The following HDAC9 variants were observed in gnomAD, a reference collection of about 807,000 sequenced individuals.
HDAC9 encodes the protein MEF-2 interacting transcription repressor (MITR) protein.
HDAC9 carries 41 observed loss-of-function variants against 139.4 expected under a neutral mutation model. That is an observed-to-expected ratio of 0.29 (90% CI 0.23 to 0.38). HDAC9 has a LOEUF of 0.38. HDAC9 is among the 10% of genes least tolerant of loss of function. The pLI is 1.00. For missense variants in HDAC9, 1,147 were observed against 1,297.0 expected, an observed-to-expected ratio of 0.88 and a Z score of 1.78; for synonymous variants, 517 against 476.2, an observed-to-expected ratio of 1.09 and a Z score of -1.12.
At chr7:18,707,515 C>T (rs1784021265) in intron 12 of HDAC9, among the ~76,000 whole-genome samples, 1 of 152,094 alleles carries the variant, frequency 6.6e-6, no homozygotes, top group Non-Finnish European at 1.5e-5. Flanking sequence ...CCCTAACAGG[C>T]ATACTTTTCA....
chr7:18,337,627 G>A (rs776254849), intron 1 of HDAC9, among the ~76,000 whole-genome samples: 32 of 151,670 alleles, frequency 2.1e-4, no homozygotes, highest in Non-Finnish European at 3.7e-4. Context: ...TGGTAACAGC[G>A]TAAGACTTGC....
chr7:18,794,767 C>T (rs551078836), intron 17 of HDAC9, among the ~76,000 whole-genome samples: 1 of 152,278 alleles, frequency 6.6e-6, no homozygotes, highest in East Asian at 1.9e-4. Flanking sequence ...TAAATTAACA[C>T]TTTAAAATAA....
intron 12 of HDAC9, among the ~76,000 whole-genome samples, chr7:18,716,029 T>C (rs1784672760): frequency 6.6e-6 from 1 of 152,246 alleles, no homozygotes; most frequent in Non-Finnish European, 1.5e-5. Context: ...TCTCTCGTTA[T>C]GATATTTTAT....
chr7:18,252,280 T>A (rs1794965484), intron 2 of HDAC9, among the ~76,000 whole-genome samples: 1 of 152,174 alleles, frequency 6.6e-6, no homozygotes, highest in Non-Finnish European at 1.5e-5. Context: ...GTTCCAGGAA[T>A]GGCCTGGAGA....
At position 18,788,565 on chromosome 7, in the gene HDAC9, GC is replaced by G. The variant is rs373589313; in HGVS notation, c.2215-4778del. On this transcript the variant is annotated intron_variant, in intron 16 of 25. Coordinates refer to ENST00000686413, the MANE Select transcript of HDAC9 (RefSeq NM_178425.4). ...AGGTCAGGAGTTCAAGACTAGCCTGGCCAACATGGTGAAACCCCATCTCTAC... is the reference window on the plus strand; with the variant it reads ...AGGTCAGGAGTTCAAGACTAGCCTGGCAACATGGTGAAACCCCATCTCTAC... 5.3e-5 allele frequency among the ~76,000 whole-genome samples: 8 copies of G among 152,056 alleles called. No individual in the cohort carries two copies. In the East Asian group the frequency reaches 1.6e-3, roughly 30 times the overall value.
intron 12 of HDAC9, among the ~76,000 whole-genome samples, chr7:18,714,045 T>G (rs1173395880): frequency 6.6e-6 from 1 of 152,202 alleles, no homozygotes; most frequent in Non-Finnish European, 1.5e-5. Flanking sequence ...AAACCACTTA[T>G]TCTGGAAGAA....
chr7:18,121,177 A>G (rs1211467337), intron 1 of HDAC9, among the ~76,000 whole-genome samples: 2 of 152,212 alleles, frequency 1.3e-5, no homozygotes, highest in Non-Finnish European at 2.9e-5. Context: ...GAAAACTTAC[A>G]TTTTATGAGT....
At chr7:18,377,158 C>A (rs1242874066) in intron 1 of HDAC9, among the ~76,000 whole-genome samples, 1 of 152,048 alleles carries the variant, frequency 6.6e-6, no homozygotes, top group Non-Finnish European at 1.5e-5. Context: ...TGGTGGGAGC[C>A]TGCTTCCTGA....
chr7:18,253,307 T>C (rs1322376202), intron 2 of HDAC9, among the ~76,000 whole-genome samples: 2 of 152,100 alleles, frequency 1.3e-5, no homozygotes, highest in African/African-American at 4.8e-5. Flanking sequence ...TTTCTGTTTT[T>C]AGGTATTTGA....
At chr7:18,236,741 G>A (rs1179812589) in intron 2 of HDAC9, among the ~76,000 whole-genome samples, 3 of 152,114 alleles carry the variant, frequency 2.0e-5, no homozygotes, top group Non-Finnish European at 4.4e-5. Flanking sequence ...CATGATGTAC[G>A]GCTGTGGGGG....
intron 1 of HDAC9, among the ~76,000 whole-genome samples, chr7:18,299,818 A>G (rs1375785389): frequency 6.6e-6 from 1 of 152,178 alleles, no homozygotes; most frequent in East Asian, 1.9e-4. Flanking sequence ...GTGCGGAGAA[A>G]AGGCTACCAA....
chr7:18,281,830 C>A (rs1024721691), intron 2 of HDAC9, among the ~76,000 whole-genome samples: 2 of 152,052 alleles, frequency 1.3e-5, no homozygotes, highest in African/African-American at 4.8e-5. Flanking sequence ...TTCTTTTTCT[C>A]CGTATTGAAT....
At chr7:18,934,631 ACAC>A (rs1255027636) in intron 22 of HDAC9, among the ~76,000 whole-genome samples, 1 of 152,196 alleles carries the variant, frequency 6.6e-6, no homozygotes, top group African/African-American at 2.4e-5. Context: ...CTGAATGAAA[ACAC>A]AATAAGATGC....
intron 2 of HDAC9, among the ~76,000 whole-genome samples, chr7:18,183,881 G>A (rs150426036): frequency 6.6e-6 from 1 of 152,044 alleles, no homozygotes. Flanking sequence ...CCTCCTCTTC[G>A]AGTGCCCTGA....
intron 1 of HDAC9, among the ~76,000 whole-genome samples, chr7:18,393,537 G>A (rs907383867): frequency 5.9e-5 from 9 of 152,108 alleles, no homozygotes; most frequent in African/African-American, 2.2e-4. Flanking sequence ...GGATGGATGA[G>A]GTGAGGCAGG....
At chr7:18,971,522 A>C (rs1160463108) in intron 24 of HDAC9, among the ~76,000 whole-genome samples, 4 of 152,222 alleles carry the variant, frequency 2.6e-5, no homozygotes, top group Non-Finnish European at 5.9e-5. Flanking sequence ...TGTTTCTGTA[A>C]TGGAAGAAAA....
chr7:18,789,272 G>A (rs1024293397), intron 16 of HDAC9, among the ~76,000 whole-genome samples: 2 of 124,270 alleles, frequency 1.6e-5, no homozygotes, highest in African/African-American at 5.8e-5. Flanking sequence ...TAATGCACAC[G>A]CAGACACATA....
At chr7:18,792,869 G>A (rs773624552) in intron 16 of HDAC9, among the ~76,000 whole-genome samples, 2 of 152,152 alleles carry the variant, frequency 1.3e-5, no homozygotes, top group Non-Finnish European at 2.9e-5. Flanking sequence ...TAATAATTGT[G>A]TTTGGCTCCC....
chr7:18,159,295 C>T lies in HDAC9; in HGVS notation c.-96-2934C>T, dbSNP rs183581862. On this transcript the variant is annotated intron_variant, in intron 1 of 12. Transcript: ENST00000417496. ...TTTTTGTTATCTACCTACCTGAAGG[C>T]GAGTTTCCTATTATTTCTAGTTCAG... 1.2e-4 allele frequency among the ~76,000 whole-genome samples: 18 copies of T among 152,184 alleles called. No homozygotes were observed. In the East Asian group the frequency reaches 2.3e-3, roughly 20 times the overall value.
Sources: allele counts gnomAD v4.1 joint callset (sites outside exome capture counted in the v4.1 genomes callset), GRCh38; gene constraint gnomAD v4.1.1; transcripts MANE v1.5; gene names NCBI Gene and HGNC (gene_info 2026-07-23, HGNC 2026-07-21).